ATP6V0A4: variants seen among roughly 807,000 people sequenced by gnomAD.
ATP6V0A4 encodes V-type proton ATPase 116 kDa subunit a 4.
In ATP6V0A4, 86 loss-of-function variants were observed where a neutral mutation model predicts 107.3. The ratio of observed to expected loss-of-function variants is 0.80; its 90% confidence interval spans 0.67 to 0.96. The LOEUF (loss-of-function observed/expected upper bound fraction) is 0.96. Among genes scored for constraint, ATP6V0A4 ranks in the 40% least tolerant of loss-of-function variants. The pLI, the probability that ATP6V0A4 is intolerant of heterozygous loss-of-function variation, is 0.00. For missense variants in ATP6V0A4, 908 were observed against 1,045.6 expected (o/e 0.87, Z 1.81); for synonymous variants, 353 against 381.4 (o/e 0.93, Z 0.87).
intron 5 of ATP6V0A4, among the ~76,000 whole-genome samples, chr7:138,765,164 T>A (rs1399836044): frequency 6.6e-6 from 1 of 152,108 alleles, no homozygotes; most frequent in Non-Finnish European, 1.5e-5. Context: ...AAATGCTTAG[T>A]ATTAGACAAA....
chr7:138,770,072 T>A (rs73467845), intron 3 of ATP6V0A4, among the ~76,000 whole-genome samples: 2,800 of 151,938 alleles, frequency 0.018, 91 homozygotes, highest in African/African-American at 0.062. Context: ...ACAAAAAAAA[T>A]TGGACTTAAT....
intron 5 of ATP6V0A4, among the ~76,000 whole-genome samples, chr7:138,766,455 C>G (rs757632123): frequency 6.6e-6 from 1 of 152,166 alleles, no homozygotes; most frequent in Non-Finnish European, 1.5e-5. Context: ...ATACACCCGC[C>G]TTGGCTTCCC....
chr7:138,735,859 T>C (rs1805290699), intron 15 of ATP6V0A4, among the ~76,000 whole-genome samples: 1 of 26,248 alleles, frequency 3.8e-5, no homozygotes, highest in African/African-American at 1.8e-4. Flanking sequence ...TCCTACCATT[T>C]TGGGAGGCTG....
At chr7:138,791,917 T>G (rs949171728) in intron 1 of ATP6V0A4, among the ~76,000 whole-genome samples, 2 of 152,190 alleles carry the variant, frequency 1.3e-5, no homozygotes, top group African/African-American at 4.8e-5. Flanking sequence ...TTAATAAATT[T>G]CACTCATATA....
At chr7:138,709,219 A>G (rs1329943190) in intron 21 of ATP6V0A4, among the ~76,000 whole-genome samples, 1 of 151,428 alleles carries the variant, frequency 6.6e-6, no homozygotes, top group Non-Finnish European at 1.5e-5. Context: ...AAAAAAAAAA[A>G]AAAAAAAAAA....
At chr7:138,792,730 C>T (rs546459523) in intron 1 of ATP6V0A4, among the ~76,000 whole-genome samples, 1 of 150,072 alleles carries the variant, frequency 6.7e-6, no homozygotes, top group East Asian at 2.0e-4. Flanking sequence ...TCCTGAGTAG[C>T]TGGGACCACA....
intron 2 of ATP6V0A4, 168 bp from the exon 3 acceptor site, chr7:138,771,432 C>A: frequency 5.2e-6 from 1 of 193,172 alleles, no homozygotes; most frequent in Non-Finnish European, 5.6e-6. Flanking sequence ...GACAGGGTCT[C>A]ACTCTGTTGC....
At chr7:138,713,934 C>T (rs542477115) in intron 20 of ATP6V0A4, among the ~76,000 whole-genome samples, 1 of 142,626 alleles carries the variant, frequency 7.0e-6, no homozygotes, top group Non-Finnish European at 1.6e-5. Flanking sequence ...AACCCTGTCT[C>T]TACCAAAAAA....
At chr7:138,726,050 T>C (rs1026112625) in intron 18 of ATP6V0A4, among the ~76,000 whole-genome samples, 6 of 152,084 alleles carry the variant, frequency 3.9e-5, no homozygotes, top group Non-Finnish European at 8.8e-5. Flanking sequence ...AGTGCAGTGG[T>C]GCAATTTCGG....
In ATP6V0A4 at chr7:138,752,946, G is replaced by C. The variant is rs181429801; in HGVS notation, c.817-109C>G. ...ACAGCAGCTTCCTCTGCTCTGGCAG[G>C]CTCCTTTGACCTGTGGCTGTCACCT... On this transcript the variant is annotated intron_variant, in intron 10 of 21. Transcript: ENST00000310018. 1.6e-4 allele frequency: 239 copies of C among 1,540,980 alleles called. 1 individual carries two copies. In the African/African-American group the frequency reaches 1.6e-3, roughly 10 times the overall value.
At chr7:138,739,098 G>A (rs984369851) in intron 15 of ATP6V0A4, among the ~76,000 whole-genome samples, 3 of 152,086 alleles carry the variant, frequency 2.0e-5, no homozygotes, top group Admixed American at 6.6e-5. Flanking sequence ...TTTAAAAAGC[G>A]TCAATTCTAT....
chr7:138,751,293 C>T (rs1362476764), intron 11 of ATP6V0A4, among the ~76,000 whole-genome samples: 3 of 152,212 alleles, frequency 2.0e-5, no homozygotes, highest in Non-Finnish European at 2.9e-5. Context: ...TGCTCCCAAA[C>T]GCAGTTCCCG....
intron 14 of ATP6V0A4, 100 bp downstream of exon 14, chr7:138,745,023 C>T: frequency 8.9e-7 from 1 of 1,126,276 alleles, no homozygotes; most frequent in South Asian, 1.2e-5. Context: ...TTCAAGTGCA[C>T]CTCTGAGTAG....
chr7:138,770,209 T>A (rs1807309576), intron 3 of ATP6V0A4, among the ~76,000 whole-genome samples: 18 of 123,724 alleles, frequency 1.5e-4, no homozygotes, highest in South Asian at 1.1e-3. Context: ...AAAAGTAAAG[T>A]AAAAAGAAAG....
intron 19 of ATP6V0A4, among the ~76,000 whole-genome samples, chr7:138,717,542 T>C (rs1353125140): frequency 6.7e-6 from 1 of 149,390 alleles, no homozygotes; most frequent in Non-Finnish European, 1.5e-5. Flanking sequence ...AGACTCTGTC[T>C]AAAAAAAGAA....
chr7:138,797,926 A>G, intron 1 of ATP6V0A4, 108 bp downstream of exon 1: 1 of 1,489,744 alleles, frequency 6.7e-7, no homozygotes, highest in Non-Finnish European at 9.0e-7. Context: ...AAGGTGTGAC[A>G]GGCCAAGTTT....
intron 3 of ATP6V0A4, among the ~76,000 whole-genome samples, chr7:138,769,894 A>G (rs1312797691): frequency 6.6e-6 from 1 of 152,140 alleles, no homozygotes; most frequent in Admixed American, 6.6e-5. Context: ...CCTGGGCAAC[A>G]TAATGAGACC....
Position 138,762,360 on chromosome 7 carries a change from T to G in ATP6V0A4, c.492A>C (p.Ala164=). ...SGLLELKAVP[A]YMTGKLGFIA... ...CTAACCCCAACTTTCCGGTCATATA[T>G]GCAGGCACTGCTTTCAACTCCAGGA... The change falls in exon 7 of 22, where the codon GCA becomes GCC. Residue 164 remains alanine (A), a synonymous_variant. Coordinates refer to ENST00000310018, the MANE Select transcript of ATP6V0A4 (RefSeq NM_020632.3). 1.2e-6 allele frequency: 2 copies of G among 1,614,176 alleles called. No individual in the cohort carries two copies. Among genetic ancestry groups the G allele is most frequent in the Non-Finnish European group, 1.7e-6 (2 of 1,180,034 alleles).
chr7:138,706,560 T>C lies in ATP6V0A4; in HGVS notation c.*64A>G. ...ATTGAGCGCCTTGCAGGGGCTGATA[T>C]CAAAGACAAGACTGAACTTCCTTCA... On this transcript the variant is annotated 3_prime_UTR_variant, in exon 22 of 22. Transcript: ENST00000310018. 3 of 1,588,962 alleles carry C rather than the reference T, an allele frequency of 1.9e-6. No individual in the cohort carries two copies. Among genetic ancestry groups the C allele is most frequent in the South Asian group, 2.2e-5 (2 of 90,304 alleles).
Sources: gnomAD v4.1 joint callset for allele counts (sites outside exome capture counted in the v4.1 genomes callset) on GRCh38, gnomAD v4.1.1 for gene constraint, MANE v1.5 for transcripts, NCBI Gene and HGNC (gene_info 2026-07-23, HGNC 2026-07-21) for gene names.